Variants in RAP1GAP2 observed in about 807,000 individuals in gnomAD.
RAP1GAP2 encodes the protein RAP1 GTPase activating protein 2, also known as rap1 GTPase-activating protein 2.
Under a neutral mutation model 95.0 loss-of-function variants are expected in RAP1GAP2, and 27 were observed. The ratio of observed to expected loss-of-function variants is 0.28; its 90% confidence interval spans 0.21 to 0.39. The LOEUF (loss-of-function observed/expected upper bound fraction) is 0.39. Among genes scored for constraint, RAP1GAP2 ranks in the 10% least tolerant of loss-of-function variants. The pLI, the probability that RAP1GAP2 is intolerant of heterozygous loss-of-function variation, is 1.00. For missense variants in RAP1GAP2, 771 were observed against 970.0 expected, an observed-to-expected ratio of 0.79 and a Z score of 2.72; for synonymous variants, 373 against 380.9, an observed-to-expected ratio of 0.98 and a Z score of 0.24.
At chr17:3,022,231 T>C (rs759653249) in intron 19 of RAP1GAP2, among the ~76,000 whole-genome samples, 1 of 152,216 alleles carries the variant, frequency 6.6e-6, no homozygotes, top group Non-Finnish European at 1.5e-5. Context: ...TGGGGGCAGA[T>C]GTCACAGACT....
intron 2 of RAP1GAP2, among the ~76,000 whole-genome samples, chr17:2,847,997 T>C (rs2151585617): frequency 6.6e-6 from 1 of 152,326 alleles, no homozygotes; most frequent in South Asian, 2.1e-4. Flanking sequence ...AAAGGAAGTA[T>C]TTTAAATAAC....
chr17:3,032,728 A>C (rs1265169096), intron 24 of RAP1GAP2, among the ~76,000 whole-genome samples: 7 of 148,502 alleles, frequency 4.7e-5, no homozygotes, highest in African/African-American at 1.7e-4. Flanking sequence ...GCAGAAGGGG[A>C]GTCGCCCAAG....
At chr17:2,960,482 C>A (rs967323192) in intron 4 of RAP1GAP2, among the ~76,000 whole-genome samples, 2 of 152,226 alleles carry the variant, frequency 1.3e-5, no homozygotes, top group African/African-American at 4.8e-5. Flanking sequence ...TGCTGCAAGG[C>A]GACTCAGCCC....
intron 2 of RAP1GAP2, among the ~76,000 whole-genome samples, chr17:2,889,476 G>A (rs1040877668): frequency 3.9e-5 from 6 of 152,094 alleles, no homozygotes; most frequent in African/African-American, 9.7e-5. Context: ...TGCTCATCAC[G>A]TGGAGATCTT....
intron 3 of RAP1GAP2, among the ~76,000 whole-genome samples, chr17:2,943,826 C>T (rs972500338): frequency 6.6e-6 from 1 of 151,940 alleles, no homozygotes; most frequent in African/African-American, 2.4e-5. Flanking sequence ...TGATATATCA[C>T]CTCAGACCTG....
intron 2 of RAP1GAP2, among the ~76,000 whole-genome samples, chr17:2,869,581 G>A (rs541315929): frequency 6.6e-6 from 1 of 152,308 alleles, no homozygotes; most frequent in South Asian, 2.1e-4. Flanking sequence ...GGGAACCAAA[G>A]TGCCTTGGGG....
intron 2 of RAP1GAP2, among the ~76,000 whole-genome samples, chr17:2,823,154 C>T (rs1340150829): frequency 2.0e-5 from 3 of 152,032 alleles, no homozygotes; most frequent in African/African-American, 7.2e-5. Flanking sequence ...TTCCGGATAC[C>T]TCATCCCTGA....
intron 2 of RAP1GAP2, among the ~76,000 whole-genome samples, chr17:2,802,108 C>G (rs1242047261): frequency 6.6e-6 from 1 of 152,154 alleles, no homozygotes; most frequent in Non-Finnish European, 1.5e-5. Context: ...GAAAATTCCT[C>G]CAATGAATCG....
chr17:2,806,380 T>TTATTAC (rs1269900615), intron 2 of RAP1GAP2, among the ~76,000 whole-genome samples: 1 of 140,984 alleles, frequency 7.1e-6, no homozygotes, highest in Middle Eastern at 3.3e-3. Flanking sequence ...AACCTTTTTA[T>TTATTAC]TATTATTATT....
intron 11 of RAP1GAP2, among the ~76,000 whole-genome samples, chr17:2,988,952 G>A (rs1276857604): frequency 6.6e-6 from 1 of 152,024 alleles, no homozygotes; most frequent in Non-Finnish European, 1.5e-5. Flanking sequence ...CCAGCTACTC[G>A]GGAGGCTGAG....
intron 11 of RAP1GAP2, 43 bp from the exon 12 acceptor site, chr17:2,991,254 A>G (rs1191401431): frequency 6.9e-7 from 1 of 1,459,678 alleles, no homozygotes; most frequent in African/African-American, 1.4e-5. Context: ...AGCATCAGAA[A>G]GAATTTTTCT....
chr17:2,809,917 A>G lies in RAP1GAP2; in HGVS notation c.80+9367A>G, dbSNP rs550918554. 2.6e-4 allele frequency among the ~76,000 whole-genome samples: 40 copies of G among 151,848 alleles called. 1 individual carries two copies. Among genetic ancestry groups the G allele is most frequent in the Admixed American group, 2.2e-3 (34 of 15,234 alleles). On this transcript the variant is annotated intron_variant, in intron 2 of 24. Transcript: ENST00000254695. ...GTCTGGGAGCGGGGTGGCACCTTCTATCCCCTTCCTCCCGCTGGCTCCTCT... is the reference window on the plus strand; with the variant it reads ...GTCTGGGAGCGGGGTGGCACCTTCTGTCCCCTTCCTCCCGCTGGCTCCTCT...
At chr17:2,877,164 C>T (rs2073129961) in intron 2 of RAP1GAP2, among the ~76,000 whole-genome samples, 1 of 152,064 alleles carries the variant, frequency 6.6e-6, no homozygotes, top group African/African-American at 2.4e-5. Context: ...GCTGGAATTA[C>T]AGGCGTGAGC....
intron 2 of RAP1GAP2, among the ~76,000 whole-genome samples, chr17:2,833,002 G>T (rs575592938): frequency 6.6e-6 from 1 of 151,930 alleles, no homozygotes; most frequent in South Asian, 2.1e-4. Context: ...AAACAAACCA[G>T]TATTTTTACA....
chr17:2,911,492 G>T (rs2042380344), intron 3 of RAP1GAP2, among the ~76,000 whole-genome samples: 2 of 151,900 alleles, frequency 1.3e-5, no homozygotes, highest in African/African-American at 4.8e-5. Context: ...ATTTAGGGAG[G>T]GGCAGTTGTA....
chr17:2,967,464 C>A (rs184684958), intron 8 of RAP1GAP2, among the ~76,000 whole-genome samples: 1 of 152,134 alleles, frequency 6.6e-6, no homozygotes, highest in Non-Finnish European at 1.5e-5. Flanking sequence ...AGAATCCTGT[C>A]CTCTTTAGGA....
intron 2 of RAP1GAP2, among the ~76,000 whole-genome samples, chr17:2,834,196 T>C (rs1455071296): frequency 2.0e-5 from 3 of 152,178 alleles, no homozygotes; most frequent in Non-Finnish European, 1.5e-5. Context: ...CCCAGACCCA[T>C]CTTAAGAGGC....
chr17:2,943,056 A>T (rs1165472196), intron 3 of RAP1GAP2, among the ~76,000 whole-genome samples: 2 of 152,092 alleles, frequency 1.3e-5, no homozygotes, highest in Non-Finnish European at 2.9e-5. Context: ...GGTGTGAACC[A>T]CCACACCTGA....
intron 2 of RAP1GAP2, among the ~76,000 whole-genome samples, chr17:2,814,593 C>CT (rs1389434565): frequency 6.6e-6 from 1 of 152,110 alleles, no homozygotes; most frequent in Admixed American, 6.6e-5. Context: ...TGAGTTCCTC[C>CT]CCACTTGGGG....
Sources: gnomAD v4.1 joint callset for allele counts (sites outside exome capture counted in the v4.1 genomes callset) on GRCh38, gnomAD v4.1.1 for gene constraint, MANE v1.5 for transcripts, NCBI Gene and HGNC (gene_info 2026-07-23, HGNC 2026-07-21) for gene names.